PEAK1: variants seen among roughly 807,000 people sequenced by gnomAD.
PEAK1 encodes pseudopodium enriched atypical kinase 1, also known as inactive tyrosine-protein kinase PEAK1.
A neutral mutation model predicts 124.7 loss-of-function variants in PEAK1; 54 were observed. The ratio of observed to expected loss-of-function variants is 0.43; its 90% confidence interval spans 0.35 to 0.54. The LOEUF (loss-of-function observed/expected upper bound fraction) is 0.54. Ranked by LOEUF, PEAK1 falls within the 20% of genes least tolerant of loss-of-function variation. The probability of loss-of-function intolerance (pLI) is 0.01; values close to 1 mark genes in which losing one functional copy is unlikely to be tolerated. For missense variants in PEAK1, 2,046 were observed against 2,134.5 expected, an observed-to-expected ratio of 0.96 and a Z score of 0.82; for synonymous variants, 719 against 760.0, an observed-to-expected ratio of 0.95 and a Z score of 0.89.
chr15:77,386,153 T>C (rs143750478), intron 1 of PEAK1, among the ~76,000 whole-genome samples: 25 of 152,330 alleles, frequency 1.6e-4, no homozygotes, highest in Admixed American at 1.5e-3. Flanking sequence ...TCAGCATTTA[T>C]TCCTCAGAAA....
intron 1 of PEAK1, among the ~76,000 whole-genome samples, chr15:77,368,925 G>C (rs1406432556): frequency 6.6e-6 from 1 of 152,126 alleles, no homozygotes; most frequent in Non-Finnish European, 1.5e-5. Flanking sequence ...ATCTAATCCA[G>C]AACTGATTTT....
chr15:77,290,029 C>A (rs1342406757), intron 2 of PEAK1, among the ~76,000 whole-genome samples: 2 of 152,044 alleles, frequency 1.3e-5, no homozygotes, highest in East Asian at 3.9e-4. Flanking sequence ...AGTGCAGTGG[C>A]ATGATTCAGC....
intron 5 of PEAK1, among the ~76,000 whole-genome samples, chr15:77,259,331 CATAAT>C (rs1207211284): frequency 6.6e-6 from 1 of 152,038 alleles, no homozygotes; most frequent in Non-Finnish European, 1.5e-5. Flanking sequence ...ATTAGTATCT[CATAAT>C]AGAGACAATT....
At chr15:77,301,526 G>T (rs1417972490) in intron 2 of PEAK1, among the ~76,000 whole-genome samples, 1 of 152,102 alleles carries the variant, frequency 6.6e-6, no homozygotes. Flanking sequence ...GAGGATTACT[G>T]GTCATATGTT....
chr15:77,338,832 T>C (rs1235706418), intron 2 of PEAK1, among the ~76,000 whole-genome samples: 1 of 151,848 alleles, frequency 6.6e-6, no homozygotes, highest in African/African-American at 2.4e-5. Flanking sequence ...TAAGAAACCA[T>C]GATAAAATTA....
At chr15:77,389,075 A>C (rs1280102811) in intron 1 of PEAK1, among the ~76,000 whole-genome samples, 2 of 148,528 alleles carry the variant, frequency 1.3e-5, no homozygotes, top group Admixed American at 1.4e-4. Context: ...CGATCCTCCC[A>C]CCTCAGCCTC....
chr15:77,147,703 T>C (rs2054271646), intron 8 of PEAK1, among the ~76,000 whole-genome samples: 1 of 152,202 alleles, frequency 6.6e-6, no homozygotes, highest in Non-Finnish European at 1.5e-5. Context: ...TTAAGTGATC[T>C]TATATGATCA....
chr15:77,333,139 A>G, intron 2 of PEAK1: 2 of 968,830 alleles, frequency 2.1e-6, no homozygotes, highest in Non-Finnish European at 2.5e-6. Context: ...TGCAACTAAA[A>G]CACTTTATTT....
At chr15:77,167,639 T>C (rs1265288052) in intron 7 of PEAK1, among the ~76,000 whole-genome samples, 3 of 152,234 alleles carry the variant, frequency 2.0e-5, no homozygotes, top group African/African-American at 7.2e-5. Context: ...TTTCTCTTTA[T>C]GAGAAGTAGA....
chr15:77,289,356 TCTA>T (rs1472399535), intron 2 of PEAK1, among the ~76,000 whole-genome samples: 1 of 152,218 alleles, frequency 6.6e-6, no homozygotes, highest in Non-Finnish European at 1.5e-5. Context: ...AACATAAGAC[TCTA>T]TTTCAATTAG....
chr15:77,407,504 CAT>C (rs1186241424), intron 1 of PEAK1, among the ~76,000 whole-genome samples: 4 of 152,096 alleles, frequency 2.6e-5, no homozygotes, highest in African/African-American at 4.8e-5. Context: ...GGCCAACAAA[CAT>C]ATGAAAAAAT....
chr15:77,171,323 C>T (rs980269571), intron 7 of PEAK1, among the ~76,000 whole-genome samples: 24 of 152,000 alleles, frequency 1.6e-4, no homozygotes, highest in African/African-American at 5.6e-4. Flanking sequence ...GAACTGAGAA[C>T]ATCTGAAAAT....
intron 6 of PEAK1, among the ~76,000 whole-genome samples, chr15:77,189,416 G>A (rs984813749): frequency 1.3e-5 from 2 of 151,622 alleles, no homozygotes; most frequent in South Asian, 2.1e-4. Context: ...CATAAACATG[G>A]CAGTGTCTGA....
intron 8 of PEAK1, among the ~76,000 whole-genome samples, chr15:77,136,144 A>T (rs1596311693): frequency 6.6e-6 from 1 of 152,176 alleles, no homozygotes; most frequent in Non-Finnish European, 1.5e-5. Flanking sequence ...GTGGTCTCAG[A>T]TGGAGATAAG....
intron 2 of PEAK1, among the ~76,000 whole-genome samples, chr15:77,341,228 T>C (rs1448141571): frequency 1.3e-5 from 2 of 151,968 alleles, no homozygotes; most frequent in Non-Finnish European, 2.9e-5. Flanking sequence ...CTTGGCTGGG[T>C]GTGGTGGCTC....
intron 2 of PEAK1, among the ~76,000 whole-genome samples, chr15:77,317,544 T>G (rs1197363341): frequency 6.6e-6 from 1 of 152,146 alleles, no homozygotes; most frequent in African/African-American, 2.4e-5. Flanking sequence ...GAGACAACCT[T>G]TGGCCACATC....
At chr15:77,262,927 C>T (rs1020608457) in intron 5 of PEAK1, among the ~76,000 whole-genome samples, 1 of 152,162 alleles carries the variant, frequency 6.6e-6, no homozygotes, top group Non-Finnish European at 1.5e-5. Flanking sequence ...TACAATCAAA[C>T]TAGAACTCAG....
chr15:77,156,553 C>G lies in PEAK1; in HGVS notation c.3331+1950G>C, dbSNP rs567545289. The stretch of plus-strand genomic sequence containing the variant: ...CTCCCTAGTGAGATGAACCCGGTAC[C>G]TCAGATGGAAATGCAGAAATCACCC... On this transcript the variant is annotated intron_variant, in intron 8 of 9. Transcript: ENST00000682557. 406 of 152,656 alleles carry G rather than the reference C, an allele frequency of 2.7e-3. 19 individuals are homozygous for G. The South Asian group carries it at 0.081, about 30-fold the overall frequency. 9.5% of individuals were successfully genotyped at this position (152,656 alleles called of 1,614,324 possible). A position where few individuals can be genotyped will look rare whatever the true frequency, so the allele number is the denominator to read the frequency against.
At chr15:77,224,415 T>C (rs2152884618) in intron 6 of PEAK1, among the ~76,000 whole-genome samples, 1 of 152,150 alleles carries the variant, frequency 6.6e-6, no homozygotes, top group South Asian at 2.1e-4. Flanking sequence ...GATGGTGCCT[T>C]TCTTTCTGTG....
Sources: gnomAD v4.1 joint callset for allele counts (sites outside exome capture counted in the v4.1 genomes callset) on GRCh38, gnomAD v4.1.1 for gene constraint, MANE v1.5 for transcripts, NCBI Gene and HGNC (gene_info 2026-07-23, HGNC 2026-07-21) for gene names.